Variants in QTGAL observed in about 807,000 individuals in gnomAD.
The protein encoded by QTGAL is BGnT-like protein 1.
chr17:82,949,947 G>C, the QTGAL span: 6 of 152,222 alleles, frequency 3.9e-5, no homozygotes, highest in African/African-American at 1.4e-4. Flanking sequence ...GCTTGCTCCA[G>C]GGATGGGTAC....
chr17:82,996,635 T>A, the QTGAL span, among the ~76,000 whole-genome samples: 1 of 152,056 alleles, frequency 6.6e-6, no homozygotes, highest in Middle Eastern at 3.2e-3. Flanking sequence ...GGAATCACAT[T>A]ACCTGACTTA....
chr17:82,997,050 T>A, the QTGAL span, among the ~76,000 whole-genome samples: 8 of 152,144 alleles, frequency 5.3e-5, no homozygotes, highest in African/African-American at 1.7e-4. Flanking sequence ...GCAGACGGGA[T>A]CACATCAAGT....
At chr17:83,009,437 A>G in the QTGAL span, among the ~76,000 whole-genome samples, 1 of 151,834 alleles carries the variant, frequency 6.6e-6, no homozygotes, top group South Asian at 2.1e-4. Context: ...AAAAAAAAGT[A>G]ACTCAGATTC....
chr17:82,944,049 A>G, the QTGAL span: 1 of 152,274 alleles, frequency 6.6e-6, no homozygotes, highest in Non-Finnish European at 1.5e-5. Context: ...CCTGGGATGC[A>G]CTGAGGATGG....
At chr17:83,017,690 T>C in the QTGAL span, among the ~76,000 whole-genome samples, 6 of 152,372 alleles carry the variant, frequency 3.9e-5, no homozygotes, top group East Asian at 1.9e-4. Flanking sequence ...TTTGATGTGA[T>C]GGATGGTCCA....
At chr17:83,025,660 C>T in the QTGAL span, among the ~76,000 whole-genome samples, 255 of 152,122 alleles carry the variant, frequency 1.7e-3, 1 homozygote, top group Middle Eastern at 0.01. Context: ...AGTCCACACA[C>T]GGACACCGCG....
At chr17:82,981,867 C>T in the QTGAL span, 18 of 152,224 alleles carry the variant, frequency 1.2e-4, no homozygotes, top group African/African-American at 3.9e-4. Flanking sequence ...TATTATATAC[C>T]GTATTCTTAC....
the QTGAL span, chr17:82,944,858 A>G: frequency 6.6e-6 from 1 of 152,214 alleles, no homozygotes; most frequent in Non-Finnish European, 1.5e-5. Context: ...GCCAGATCTA[A>G]TGGACCACTA....
chr17:83,033,513 C>T, the QTGAL span, among the ~76,000 whole-genome samples: 1 of 151,630 alleles, frequency 6.6e-6, no homozygotes, highest in Non-Finnish European at 1.5e-5. Flanking sequence ...GCTCTGTCGC[C>T]CAGGCTGGAG....
At chr17:83,030,451 G>C in the QTGAL span, among the ~76,000 whole-genome samples, 1 of 152,324 alleles carries the variant, frequency 6.6e-6, no homozygotes, top group African/African-American at 2.4e-5. Context: ...CCTCTGACAC[G>C]GGACAGGCCT....
chr17:82,970,600 C>T, the QTGAL span, among the ~76,000 whole-genome samples: 176 of 80,922 alleles, frequency 2.2e-3, 7 homozygotes, highest in South Asian at 8.8e-3. Context: ...CCGCACCCGG[C>T]GTGGCCGCGA....
the QTGAL span, among the ~76,000 whole-genome samples, chr17:83,021,549 A>G: frequency 6.6e-6 from 1 of 152,238 alleles, no homozygotes; most frequent in African/African-American, 2.4e-5. Flanking sequence ...GAGATATACT[A>G]TGTTTACGGA....
At chr17:82,948,864 ATGT>A in the QTGAL span, 8 of 152,386 alleles carry the variant, frequency 5.2e-5, no homozygotes, top group South Asian at 6.2e-4. Flanking sequence ...AAATGGGACA[ATGT>A]TGTTTTTTAA....
chr17:83,037,256 C>T, the QTGAL span, among the ~76,000 whole-genome samples: 2,280 of 152,280 alleles, frequency 0.015, 56 homozygotes, highest in African/African-American at 0.052. This position sits in a 1 kb window ranked among gnomAD's most constrained non-coding sequence, Gnocchi z 5.2. Context: ...TCCCACCCCA[C>T]GGGGGCTGCC....
At chr17:83,038,171 ACT>A in the QTGAL span, among the ~76,000 whole-genome samples, 2 of 152,044 alleles carry the variant, frequency 1.3e-5, no homozygotes, top group Non-Finnish European at 2.9e-5. Flanking sequence ...AGTCAATATA[ACT>A]CTCCCTATTC....
At chr17:82,950,286 G>A in the QTGAL span, among the ~76,000 whole-genome samples, 4 of 152,276 alleles carry the variant, frequency 2.6e-5, no homozygotes, top group African/African-American at 9.6e-5. Flanking sequence ...AGTGCCTTGG[G>A]GTTCATATGA....
the QTGAL span, among the ~76,000 whole-genome samples, chr17:82,978,369 C>T: frequency 2.6e-5 from 4 of 152,210 alleles, 1 homozygote; most frequent in South Asian, 8.3e-4. The surrounding 1 kb of genome is among the most constrained non-coding windows in gnomAD (Gnocchi z 4.8). Flanking sequence ...TGTTATATCT[C>T]TGCACGTGAT....
the QTGAL span, chr17:83,048,492 C>T: frequency 1.4e-5 from 23 of 1,612,428 alleles, no homozygotes; most frequent in Middle Eastern, 1.6e-4. Flanking sequence ...GAGGGAGAAT[C>T]GTGCCCCCCA....
chr17:82,998,956 C>A, the QTGAL span, among the ~76,000 whole-genome samples: 5 of 63,876 alleles, frequency 7.8e-5, no homozygotes, highest in African/African-American at 3.7e-4. Flanking sequence ...ACTAGATTAG[C>A]TAAAATTAAA....
Sources: gnomAD v4.1 joint callset for allele counts (sites outside exome capture counted in the v4.1 genomes callset) on GRCh38, gnomAD v4.1.1 for gene constraint, Gnocchi (gnomAD v3.1) non-coding constraint, MANE v1.5 for transcripts, NCBI Gene and HGNC (gene_info 2026-07-23, HGNC 2026-07-21) for gene names.